Variants in DYSF observed in about 807,000 individuals in gnomAD.
The protein encoded by DYSF is dystrophy-associated fer-1-like 1.
In DYSF, 212 loss-of-function variants were observed where a neutral mutation model predicts 274.9. That is an observed-to-expected ratio of 0.77 (90% CI 0.69 to 0.86). The LOEUF (loss-of-function observed/expected upper bound fraction) is 0.86, where lower values mean the gene tolerates loss of function less well. Among genes scored for constraint, DYSF ranks in the 40% least tolerant of loss-of-function variants. DYSF has a pLI of 0.00. For missense variants in DYSF, 2,666 were observed against 2,783.2 expected (o/e 0.96, Z 0.95); for synonymous variants, 1,091 against 1,078.7 (o/e 1.01, Z -0.22).
chr2:71,589,612 A>G lies in DYSF; in HGVS notation c.3422A>G (p.Lys1141Arg), dbSNP rs1481789417. 1 of 1,614,078 alleles carries G rather than the reference A, an allele frequency of 6.2e-7. No homozygotes were observed. The highest frequency in any genetic ancestry group is 1.7e-5 in the Admixed American group (1 of 60,020). Residue 1141 changes from lysine to arginine, a missense_variant, in exon 31 of 56, where the codon AAG (lysine) becomes AGG (arginine). Around this residue, in one of 3 missense-constraint regions of DYSF, gnomAD observed 1,460 missense variants for 1,502.1 expected, o/e 0.97. Coordinates refer to ENST00000410020, the MANE Select transcript of DYSF (RefSeq NM_001130987.2). ...EGALGGVMDD[K>R]SEDSMSVSTL... ...CTCCAGGGCGGCGTGATGGATGACA[A>G]GAGTGAAGATTCCATGTCCGTCTCC... is the stretch of plus-strand genomic sequence containing the variant.
At chr2:71,570,835 G>C in intron 29 of DYSF, 94 bp downstream of exon 29, 1 of 1,558,524 alleles carries the variant, frequency 6.4e-7, no homozygotes, top group Non-Finnish European at 8.7e-7. Context: ...ACACATGCAT[G>C]TGTGCACACA....
chr2:71,469,673 G>A (rs1028962512), intron 1 of DYSF, among the ~76,000 whole-genome samples: 3 of 152,186 alleles, frequency 2.0e-5, no homozygotes, highest in African/African-American at 7.2e-5. Flanking sequence ...GACTCTGAGG[G>A]CAATTTTTTG....
At chr2:71,581,699 C>T (rs948342731) in intron 30 of DYSF, among the ~76,000 whole-genome samples, 3 of 152,168 alleles carry the variant, frequency 2.0e-5, no homozygotes, top group African/African-American at 7.2e-5. Context: ...GCTGTGTAGC[C>T]CCAGGGAAGA....
chr2:71,664,230 C>T (rs765210545), intron 45 of DYSF, 38 bp from the exon 46 acceptor site: 1 of 1,613,248 alleles, frequency 6.2e-7, no homozygotes, highest in Non-Finnish European at 8.5e-7. Flanking sequence ...CTTGGGTGCC[C>T]CGTGTTGGCT....
chr2:71,654,479 G>C (rs921874192), intron 42 of DYSF, among the ~76,000 whole-genome samples: 1 of 152,078 alleles, frequency 6.6e-6, no homozygotes. Flanking sequence ...CCGTATAAGT[G>C]GTTTAAAAAA....
chr2:71,509,009 C>T (rs1316226465), intron 4 of DYSF, among the ~76,000 whole-genome samples: 4 of 151,440 alleles, frequency 2.6e-5, no homozygotes, highest in Non-Finnish European at 5.9e-5. Flanking sequence ...CATGCCACCA[C>T]ACCTGGCTAT....
intron 42 of DYSF, among the ~76,000 whole-genome samples, chr2:71,644,597 T>A (rs981526864): frequency 2.0e-5 from 3 of 152,128 alleles, no homozygotes; most frequent in Non-Finnish European, 2.9e-5. Flanking sequence ...GAAAATTACC[T>A]ACAAATCTGA....
At chr2:71,581,070 T>C (rs1346283952) in intron 30 of DYSF, among the ~76,000 whole-genome samples, 1 of 152,218 alleles carries the variant, frequency 6.6e-6, no homozygotes, top group Non-Finnish European at 1.5e-5. Context: ...AAAGCAGGCG[T>C]AAGTAGGACC....
chr2:71,490,779 A>G (rs1167594414), intron 3 of DYSF, among the ~76,000 whole-genome samples: 1 of 152,236 alleles, frequency 6.6e-6, no homozygotes, highest in Admixed American at 6.5e-5. Flanking sequence ...TTCCCAGGTC[A>G]GTCCATCACA....
chr2:71,621,841 A>G lies in DYSF; in HGVS notation c.4527+1232A>G, dbSNP rs557019716. 1.7e-3 allele frequency among the ~76,000 whole-genome samples: 256 copies of G among 152,024 alleles called. 1 individual carries two copies. Among genetic ancestry groups the G allele is most frequent in the African/African-American group, 5.9e-3 (246 of 41,496 alleles). On this transcript the variant is annotated intron_variant, in intron 41 of 55. Coordinates refer to ENST00000410020, the MANE Select transcript of DYSF (RefSeq NM_001130987.2). Reference sequence around the variant, plus strand: ...CACGTGGCTAATTTTTTGTATTTTTAGTAGAGACGGGGTTTCACCATGTTG... The same window carrying G: ...CACGTGGCTAATTTTTTGTATTTTTGGTAGAGACGGGGTTTCACCATGTTG...
At chr2:71,498,327 T>A (rs895819971) in intron 3 of DYSF, among the ~76,000 whole-genome samples, 8 of 152,042 alleles carry the variant, frequency 5.3e-5, no homozygotes, top group Non-Finnish European at 1.2e-4. Flanking sequence ...CTGCCACAGG[T>A]GGGCAGGGGG....
intron 42 of DYSF, among the ~76,000 whole-genome samples, chr2:71,648,478 C>T (rs1349603391): frequency 2.6e-5 from 4 of 152,062 alleles, no homozygotes; most frequent in Non-Finnish European, 5.9e-5. Flanking sequence ...CAGATATAGA[C>T]GTCAGGGAAA....
intron 45 of DYSF, among the ~76,000 whole-genome samples, chr2:71,661,478 G>A (rs1424592523): frequency 6.6e-6 from 1 of 152,166 alleles, no homozygotes; most frequent in Non-Finnish European, 1.5e-5. Flanking sequence ...ATACGACATT[G>A]CATTTAGTAA....
At chr2:71,499,764 C>G (rs1389730407) in intron 3 of DYSF, among the ~76,000 whole-genome samples, 1 of 152,232 alleles carries the variant, frequency 6.6e-6, no homozygotes, top group Non-Finnish European at 1.5e-5. Flanking sequence ...TTCTCCACCC[C>G]CCACATTCCA....
chr2:71,559,114 G>A (rs1419446244), intron 22 of DYSF, among the ~76,000 whole-genome samples: 1 of 152,092 alleles, frequency 6.6e-6, no homozygotes, highest in African/African-American at 2.4e-5. Flanking sequence ...CCTTCCCCAG[G>A]GCTGGTGGTG....
rs148878647 is a variant in DYSF, at chr2:71,611,025, G to T, written c.3958-220G>T. On this transcript the variant is annotated intron_variant, in intron 36 of 55. Coordinates refer to ENST00000410020, the MANE Select transcript of DYSF (RefSeq NM_001130987.2). ...GTTGGAACAAGGTGACCTGAACCCT[G>T]GATGAAGGTGCTGGAATTGTGATCC... is the stretch of plus-strand genomic sequence containing the variant. 622 of 603,460 alleles carry T rather than the reference G, an allele frequency of 1.0e-3. 2 individuals are homozygous for T. The African/African-American group carries it at 0.011, about 10-fold the overall frequency. 37.4% of individuals were successfully genotyped at this position (603,460 alleles called of 1,614,324 possible). A position where few individuals can be genotyped will look rare whatever the true frequency, so the allele number is the denominator to read the frequency against.
upstream of DYSF, among the ~76,000 whole-genome samples, chr2:71,463,092 G>A (rs2081351466): frequency 6.6e-6 from 1 of 152,190 alleles, no homozygotes; most frequent in Non-Finnish European, 1.5e-5. Context: ...CCATCAACAT[G>A]TCGTCTAGGG....
chr2:71,622,694 C>A (rs2094132724), intron 41 of DYSF, among the ~76,000 whole-genome samples: 1 of 152,320 alleles, frequency 6.6e-6, no homozygotes, highest in East Asian at 1.9e-4. Context: ...TGGCTCACTG[C>A]AACCTCTGCC....
At chr2:71,484,794 C>G (rs916055386) in intron 3 of DYSF, among the ~76,000 whole-genome samples, 5 of 149,436 alleles carry the variant, frequency 3.3e-5, no homozygotes. Flanking sequence ...ATATTTTTGG[C>G]CAATTCAAGG....
Sources: gnomAD v4.1 joint callset for allele counts (sites outside exome capture counted in the v4.1 genomes callset) on GRCh38, gnomAD v4.1.1 for gene constraint, gnomAD v4.1.1 regional missense constraint, MANE v1.5 for transcripts, NCBI Gene and HGNC (gene_info 2026-07-23, HGNC 2026-07-21) for gene names.